The following XKR7 variants were observed in gnomAD, a reference collection of about 807,000 sequenced individuals.
XKR7 encodes XK related 7, also known as XK-related protein 7.
A neutral mutation model predicts 42.2 loss-of-function variants in XKR7; 11 were observed. The observed-to-expected ratio is 0.26, with a 90% CI of 0.16 to 0.43. The LOEUF is 0.43. Ranked by LOEUF, XKR7 falls within the 20% of genes least tolerant of loss-of-function variation. XKR7 has a pLI of 1.00. For synonymous variants in XKR7, 346 were observed against 366.4 expected (o/e 0.94, Z 0.64); for missense variants, 710 against 802.2 (o/e 0.89, Z 1.39).
intron 1 of XKR7, among the ~76,000 whole-genome samples, chr20:31,975,400 G>T (rs1381176150): frequency 1.3e-5 from 2 of 151,734 alleles, no homozygotes; most frequent in African/African-American, 4.8e-5. Context: ...GCTCTCCATT[G>T]CCTGCAGTCC....
intron 1 of XKR7, among the ~76,000 whole-genome samples, chr20:31,989,280 C>CCG (rs1469700605): frequency 8.4e-6 from 1 of 118,662 alleles, no homozygotes. Context: ...AGGACACCCC[C>CCG]CCCCCAGCGC....
rs1225928441 is a variant in XKR7 at position 32,000,830 on chromosome 20, T to A, written c.*3373T>A. On this transcript the variant is annotated 3_prime_UTR_variant, in exon 3 of 3. Coordinates refer to ENST00000562532, the MANE Select transcript of XKR7 (RefSeq NM_001011718.2). ...ACTGATGTGCCATGTGCCTTGTAAC[T>A]GTCACCCCAGCTGAACAGCACAGAC... The A allele has an allele frequency of 1.3e-5, 2 of 152,458 alleles. No individual in the cohort carries two copies. Among genetic ancestry groups the A allele is most frequent in the African/African-American group, 4.8e-5 (2 of 41,442 alleles). 9.4% of individuals were successfully genotyped at this position (152,458 alleles called of 1,614,324 possible).
At position 32,000,582 on chromosome 20, in the gene XKR7, G is replaced by A. The variant is rs1250497781; in HGVS notation, c.*3125G>A. The A allele has an allele frequency of 6.6e-6, 1 of 152,380 alleles. No individual in the cohort carries two copies. Among genetic ancestry groups the A allele is most frequent in the Non-Finnish European group, 1.5e-5 (1 of 68,208 alleles). 9.4% of individuals were successfully genotyped at this position (152,380 alleles called of 1,614,324 possible). On this transcript the variant is annotated 3_prime_UTR_variant, in exon 3 of 3. Coordinates refer to ENST00000562532, the MANE Select transcript of XKR7 (RefSeq NM_001011718.2). ...TTTCCCTGGGGATGAGAGGTAGTTG[G>A]GTGTGTCTTAATTTTGCCAGGAACA...
intron 1 of XKR7, among the ~76,000 whole-genome samples, chr20:31,971,821 G>A (rs2064467010): frequency 6.6e-6 from 1 of 152,138 alleles, no homozygotes; most frequent in Admixed American, 6.5e-5. Flanking sequence ...AAGATACAAG[G>A]GGTGTCAGAC....
At chr20:31,992,870 C>T (rs1360077036) in intron 1 of XKR7, among the ~76,000 whole-genome samples, 1 of 152,106 alleles carries the variant, frequency 6.6e-6, no homozygotes, top group Non-Finnish European at 1.5e-5. Flanking sequence ...GCTGGTAAGA[C>T]CAGTATACTC....
intron 1 of XKR7, among the ~76,000 whole-genome samples, chr20:31,980,131 GAAAAAAAA>G (rs397968046): frequency 1.0e-5 from 1 of 95,464 alleles, no homozygotes; most frequent in Admixed American, 1.3e-4. Context: ...CTTTAGCCCA[GAAAAAAAA>G]AAAAAAAAAA....
At chr20:31,982,582 T>A (rs969637381) in intron 1 of XKR7, among the ~76,000 whole-genome samples, 1 of 150,368 alleles carries the variant, frequency 6.7e-6, no homozygotes. Flanking sequence ...TTTCTGACAC[T>A]AAGTTTCCTC....
chr20:31,973,310 A>G (rs6087805), intron 1 of XKR7, among the ~76,000 whole-genome samples: 9,513 of 152,264 alleles, frequency 0.062, 379 homozygotes, highest in Admixed American at 0.1. Context: ...CATTCAGCAG[A>G]CATTTATTAA....
At chr20:31,973,615 C>T (rs548750765) in intron 1 of XKR7, among the ~76,000 whole-genome samples, 23 of 151,680 alleles carry the variant, frequency 1.5e-4, no homozygotes, top group African/African-American at 2.2e-4. Flanking sequence ...AAGGGCTGCA[C>T]GAGGTGAGGA....
At position 31,997,131 on chromosome 20, in the gene XKR7, C is replaced by A. The variant is rs770474566; in HGVS notation, c.1414C>A (p.Pro472Thr). 2.9e-5 allele frequency: 46 copies of A among 1,612,084 alleles called. No homozygotes were observed. Among genetic ancestry groups the A allele is most frequent in the Non-Finnish European group, 3.4e-5 (40 of 1,180,008 alleles). ...CCCACCCGCTGACGCCATCACGAGT[C>A]CCCCCAGGTCCCTGCCAAGGACTAC... is the stretch of plus-strand genomic sequence containing the variant. ...CGPPADAITS[P>T]PRSLPRTTGA... Residue 472 changes from proline (P) to threonine (T), a missense_variant, in exon 3 of 3, where the codon CCC becomes ACC. Transcript: ENST00000562532.
In XKR7 at chr20:31,968,325, G is replaced by T. The variant is rs780041482; in HGVS notation, c.150G>T (p.Pro50=). ...PGVVGAGGPG[P]RYELRDCCWV... Reference sequence around the variant, plus strand: ...TCGTCGGGGCGGGCGGCCCGGGGCCGCGCTACGAGCTGCGGGACTGCTGCT... The same window carrying T: ...TCGTCGGGGCGGGCGGCCCGGGGCCTCGCTACGAGCTGCGGGACTGCTGCT... Residue 50 remains proline (P), a synonymous_variant, in exon 1 of 3, where the codon CCG becomes CCT. Coordinates refer to ENST00000562532, the MANE Select transcript of XKR7 (RefSeq NM_001011718.2). The surrounding 1 kb of genome is among the most constrained non-coding windows in gnomAD (Gnocchi z 4.5). The T allele has an allele frequency of 6.7e-6, 10 of 1,489,548 alleles. No individual in the cohort carries two copies. Among genetic ancestry groups the T allele is most frequent in the Non-Finnish European group, 8.9e-6 (10 of 1,124,544 alleles). The allele number at this position is 1,489,548 out of a possible 1,614,324, so 92.3% of individuals were successfully genotyped here. A position where few individuals can be genotyped will look rare whatever the true frequency, so the allele number is the denominator to read the frequency against.
At chr20:31,976,872 G>A (rs1309310254) in intron 1 of XKR7, among the ~76,000 whole-genome samples, 1 of 152,158 alleles carries the variant, frequency 6.6e-6, no homozygotes, top group African/African-American at 2.4e-5. Context: ...CCCCTGGGGA[G>A]TTGAGGCTTT....
chr20:31,995,584 C>T lies in XKR7; in HGVS notation c.787+314C>T, dbSNP rs1320406306. On this transcript the variant is annotated intron_variant, in intron 2 of 2. Coordinates refer to ENST00000562532, the MANE Select transcript of XKR7 (RefSeq NM_001011718.2). The surrounding 1 kb of genome is among the most constrained non-coding windows in gnomAD (Gnocchi z 4.1). ...GTTGCCAGAGCCAACCAAACCCCAT[C>T]TCCCACCCAAACACCTTAGACCCTC... Among the ~76,000 whole-genome samples the T allele has an allele frequency of 2.6e-5, 4 of 152,074 alleles. No individual in the cohort carries two copies. Among genetic ancestry groups the T allele is most frequent in the African/African-American group, 9.7e-5 (4 of 41,392 alleles).
chr20:31,996,635 C>T lies in XKR7; in HGVS notation c.918C>T (p.His306=), dbSNP rs763834533. The T allele has an allele frequency of 1.9e-5, 30 of 1,588,136 alleles. No individual in the cohort carries two copies. In the South Asian group the frequency reaches 1.9e-4, roughly 10 times the overall value. The change falls in exon 3 of 3, where the codon CAC becomes CAT. Residue 306 remains histidine, a synonymous_variant. Transcript: ENST00000562532. The part of the protein sequence containing the change: ...YKGAVAQVLW[H]LFSIAARGLA... ...GCGCCGTGGCACAGGTGCTGTGGCA[C>T]CTGTTCAGCATTGCCGCCCGCGGCC...
At position 31,996,857 on chromosome 20, in the gene XKR7, C is replaced by A. The variant is rs1279873340; in HGVS notation, c.1140C>A (p.Ser380Arg). The change falls in exon 3 of 3, where the codon AGC (serine) becomes AGA (arginine). Residue 380 changes from serine to arginine, a missense_variant. Ser to Arg is a moderately radical substitution (Grantham distance 110). Transcript: ENST00000562532. Reference sequence around the variant, plus strand: ...GGTTCAACGTCAAGGAGGGCCGCAGCCGCCGCCGCATGACCCTCTACCACT... The same window carrying A: ...GGTTCAACGTCAAGGAGGGCCGCAGACGCCGCCGCATGACCCTCTACCACT... Reference protein sequence around the residue: ...FCWFNVKEGRSRRRMTLYHCI... With the variant: ...FCWFNVKEGRRRRRMTLYHCI... The A allele has an allele frequency of 3.7e-6, 6 of 1,613,572 alleles. No homozygotes were observed. The highest frequency in any genetic ancestry group is 5.1e-6 in the Non-Finnish European group (6 of 1,180,008).
rs1474057779 is a variant in XKR7, at chr20:31,996,778, A to G, written c.1061A>G (p.Lys354Arg). The change falls in exon 3 of 3, where the codon AAG (lysine) becomes AGG (arginine). Residue 354 changes from lysine to arginine, a missense_variant. Coordinates refer to ENST00000562532, the MANE Select transcript of XKR7 (RefSeq NM_001011718.2). ...GGGGAGACGGACTTCTGCATGTCCA[A>G]GTGGGAGGAGATCATCTACAACATG... is the stretch of plus-strand genomic sequence containing the variant. The part of the protein sequence containing the change: ...IQGETDFCMS[K>R]WEEIIYNMVV... 1 of 1,614,014 alleles carries G rather than the reference A, an allele frequency of 6.2e-7. No homozygotes were observed. The highest frequency in any genetic ancestry group is 1.3e-5 in the African/African-American group (1 of 74,990).
Position 31,996,839 on chromosome 20 carries a change from C to T in XKR7, c.1122C>T (p.Asn374=). 1 of 1,613,766 alleles carries T rather than the reference C, an allele frequency of 6.2e-7. No individual in the cohort carries two copies. The highest frequency in any genetic ancestry group is 8.5e-7 in the Non-Finnish European group (1 of 1,179,978). Reference sequence around the variant, plus strand: ...TCATCTACATCTTCTGCTGGTTCAACGTCAAGGAGGGCCGCAGCCGCCGCC... The same window carrying T: ...TCATCTACATCTTCTGCTGGTTCAATGTCAAGGAGGGCCGCAGCCGCCGCC... ...VGIIYIFCWF[N]VKEGRSRRRM... Residue 374 remains asparagine, a synonymous_variant, in exon 3 of 3, where the codon AAC becomes AAT. Coordinates refer to ENST00000562532, the MANE Select transcript of XKR7 (RefSeq NM_001011718.2).
At chr20:31,969,855 T>C (rs535613893) in intron 1 of XKR7, among the ~76,000 whole-genome samples, 2 of 152,202 alleles carry the variant, frequency 1.3e-5, no homozygotes, top group South Asian at 4.2e-4. Context: ...TCTAGAGATA[T>C]AAAGGGTGAT....
rs949300801 is a variant in XKR7 at position 32,000,028 on chromosome 20, A to G, written c.*2571A>G. 6.6e-6 allele frequency: 1 copy of G among 152,064 alleles called. No homozygotes were observed. Among genetic ancestry groups the G allele is most frequent in the African/African-American group, 2.4e-5 (1 of 41,348 alleles). 9.4% of individuals were successfully genotyped at this position (152,064 alleles called of 1,614,324 possible). On this transcript the variant is annotated 3_prime_UTR_variant, in exon 3 of 3. Coordinates refer to ENST00000562532, the MANE Select transcript of XKR7 (RefSeq NM_001011718.2). ...ACTCCCCACCTCTTCTCAACCCCACACACCCTTCCCTCAGGGCTTCTGCCT... is the reference window on the plus strand; with the variant it reads ...ACTCCCCACCTCTTCTCAACCCCACGCACCCTTCCCTCAGGGCTTCTGCCT...
Sources: gnomAD v4.1 joint callset for allele counts (sites outside exome capture counted in the v4.1 genomes callset) on GRCh38, gnomAD v4.1.1 for gene constraint, Gnocchi (gnomAD v3.1) non-coding constraint, MANE v1.5 for transcripts, NCBI Gene and HGNC (gene_info 2026-07-23, HGNC 2026-07-21) for gene names.